Variants in SHPK observed in about 807,000 individuals in gnomAD.
SHPK encodes the protein carbohydrate kinase-like protein.
Under a neutral mutation model 46.3 loss-of-function variants are expected in SHPK, and 51 were observed. The ratio of observed to expected loss-of-function variants is 1.10; its 90% CI spans 0.88 to 1.39. The LOEUF is 1.39. SHPK is among the 40% of genes most tolerant of loss of function. The probability of loss-of-function intolerance (pLI) is 0.00; values close to 1 mark genes in which losing one functional copy is unlikely to be tolerated. For missense variants in SHPK, 668 were observed against 641.3 expected (o/e 1.04, Z -0.45); for synonymous variants, 290 against 273.9 (o/e 1.06, Z -0.58).
intron 5 of SHPK, among the ~76,000 whole-genome samples, chr17:3,616,429 A>C (rs939952192): frequency 6.6e-6 from 1 of 152,180 alleles, no homozygotes; most frequent in East Asian, 1.9e-4. Flanking sequence ...GCGTGGGCTC[A>C]GAGGCAGATC....
At position 3,610,753 on chromosome 17, in the gene SHPK, G is replaced by T. The variant is rs141579629; in HGVS notation, c.1244C>A (p.Pro415Gln). 1.7e-4 allele frequency: 278 copies of T among 1,613,960 alleles called. No individual in the cohort carries two copies. The highest frequency in any genetic ancestry group is 2.3e-4 in the Non-Finnish European group (270 of 1,179,990). The stretch of plus-strand genomic sequence containing the variant: ...GCCCCACTCCTGGAGCTGCTGAATC[G>T]GAAGCATGGAGTGCAGGTTCTGAAC... ...GIVQNLHSML[P>Q]IQQLQEWGVE... is the part of the protein sequence containing the mutation. Residue 415 changes from proline to glutamine, a missense_variant, in exon 7 of 7, where the codon CCG (proline) becomes CAG (glutamine). Physicochemically the swap from Pro to Gln is moderately conservative, Grantham distance 76 (BLOSUM62 -1). Transcript: ENST00000225519.
intron 1 of SHPK, among the ~76,000 whole-genome samples, chr17:3,634,591 AAAG>A (rs1475618503): frequency 2.6e-5 from 4 of 151,324 alleles, no homozygotes; most frequent in South Asian, 2.1e-4. Flanking sequence ...AAAAAAAAAA[AAAG>A]AAGTGCTCTA....
At chr17:3,621,937 C>G (rs224508) in intron 4 of SHPK, among the ~76,000 whole-genome samples, 95,118 of 151,570 alleles carry the variant, frequency 0.63, 30,368 homozygotes, top group East Asian at 0.93. Flanking sequence ...ACAGGCGCGA[C>G]CCACCACACC....
At position 3,636,102 on chromosome 17, in the gene SHPK, G is replaced by C. The variant is rs371203773; in HGVS notation, c.118C>G (p.Arg40Gly). The change falls in exon 1 of 7, where the codon CGT becomes GGT. Residue 40 changes from arginine to glycine, a missense_variant. Arg to Gly is a moderately radical substitution (Grantham distance 125). Coordinates refer to ENST00000225519, the MANE Select transcript of SHPK (RefSeq NM_013276.4). ...ACCGCCGCCTCTGCCCGCGCAGCACGGGCACAGCTCGCCAGCACTGCGAAC... is the reference window on the plus strand; with the variant it reads ...ACCGCCGCCTCTGCCCGCGCAGCACCGGCACAGCTCGCCAGCACTGCGAAC... ...SGFAVLASCA[R>G]AARAEAAVES... The C allele has an allele frequency of 1.2e-6, 2 of 1,604,984 alleles. No homozygotes were observed. The highest frequency in any genetic ancestry group is 1.7e-6 in the Non-Finnish European group (2 of 1,176,414).
chr17:3,612,138 A>G (rs981691473), intron 6 of SHPK, among the ~76,000 whole-genome samples: 2 of 152,018 alleles, frequency 1.3e-5, no homozygotes, highest in African/African-American at 4.8e-5. Flanking sequence ...AACGAAAAAA[A>G]AAAAAAGGCC....
chr17:3,632,622 A>AC (rs1280898494), intron 1 of SHPK, among the ~76,000 whole-genome samples: 3 of 151,840 alleles, frequency 2.0e-5, no homozygotes, highest in East Asian at 1.9e-4. Context: ...TCTTGGACAG[A>AC]CCCCCAGTGT....
At chr17:3,622,946 T>C (rs1367815251) in intron 4 of SHPK, among the ~76,000 whole-genome samples, 1 of 152,014 alleles carries the variant, frequency 6.6e-6, no homozygotes, top group South Asian at 2.1e-4. Flanking sequence ...CTCAGGTGAT[T>C]CACCCGCCTC....
intron 3 of SHPK, among the ~76,000 whole-genome samples, chr17:3,623,843 G>T (rs2075417001): frequency 6.6e-6 from 1 of 152,170 alleles, no homozygotes. Flanking sequence ...CCCTATGTGG[G>T]TGGGAACTGG....
intron 1 of SHPK, among the ~76,000 whole-genome samples, chr17:3,633,200 CG>C (rs1050682664): frequency 2.0e-5 from 3 of 151,632 alleles, no homozygotes; most frequent in African/African-American, 7.3e-5. Flanking sequence ...AGGCTGGTCT[CG>C]AACTCCTGAC....
At chr17:3,617,820 A>C (rs947604502) in intron 5 of SHPK, among the ~76,000 whole-genome samples, 1 of 152,210 alleles carries the variant, frequency 6.6e-6, no homozygotes, top group African/African-American at 2.4e-5. Flanking sequence ...AGTCAAAAAA[A>C]AATTAAAAAG....
In SHPK at chr17:3,615,409, C is replaced by T; in HGVS notation, c.952G>A (p.Ala318Thr). 5.6e-6 allele frequency: 9 copies of T among 1,614,176 alleles called. No individual in the cohort carries two copies. Among genetic ancestry groups the T allele is most frequent in the African/African-American group, 1.3e-5 (1 of 75,044 alleles). ...PYFNRTYLGV[A>T]ASLNGGNVLA... ...ACATTGCCCCCGTTGAGTGACGCGGCCACCCCCAGGTAGGTCCTGTTGAAG... is the reference window on the plus strand; with the variant it reads ...ACATTGCCCCCGTTGAGTGACGCGGTCACCCCCAGGTAGGTCCTGTTGAAG... Residue 318 changes from alanine (A) to threonine (T), a missense_variant, in exon 6 of 7, where the codon GCC becomes ACC. Coordinates refer to ENST00000225519, the MANE Select transcript of SHPK (RefSeq NM_013276.4).
At chr17:3,615,245 T>C in intron 6 of SHPK, 92 bp downstream of exon 6, 1 of 1,307,556 alleles carries the variant, frequency 7.6e-7, no homozygotes, top group South Asian at 1.2e-5. Context: ...ATGTGGACGC[T>C]GAAACCGCAC....
chr17:3,629,058 C>G (rs1340594260), intron 2 of SHPK, among the ~76,000 whole-genome samples: 1 of 152,140 alleles, frequency 6.6e-6, no homozygotes, highest in Non-Finnish European at 1.5e-5. Flanking sequence ...GCCACTGTGT[C>G]CCCTTGCAGC....
At position 3,630,282 on chromosome 17, in the gene SHPK, C is replaced by G; in HGVS notation, c.233G>C (p.Arg78Pro). 1.2e-6 allele frequency: 2 copies of G among 1,613,662 alleles called. No homozygotes were observed. The highest frequency in any genetic ancestry group is 1.7e-6 in the Non-Finnish European group (2 of 1,179,994). ...GCCCACGACGCTCCGGAGCTGGGGT[C>G]GGGGAAGGGCAGCAAGGCACTCGTG... The part of the protein sequence containing the change: ...ALHECLAALP[R>P]PQLRSVVGIG... The change falls in exon 2 of 7, where the codon CGA becomes CCA. Residue 78 changes from arginine to proline, a missense_variant. Coordinates refer to ENST00000225519, the MANE Select transcript of SHPK (RefSeq NM_013276.4).
At chr17:3,624,305 T>A (rs2075420340) in intron 2 of SHPK, 74 bp from the exon 3 acceptor site, 28 of 1,343,872 alleles carry the variant, frequency 2.1e-5, no homozygotes, top group Non-Finnish European at 2.9e-5. Flanking sequence ...GATACTACTC[T>A]GCTGGTGAGT....
At chr17:3,614,210 C>G (rs548906573) in intron 6 of SHPK, among the ~76,000 whole-genome samples, 1 of 152,162 alleles carries the variant, frequency 6.6e-6, no homozygotes, top group Non-Finnish European at 1.5e-5. Context: ...GGTTCCACCC[C>G]GCACCGTGCT....
At position 3,629,500 on chromosome 17, in the gene SHPK, G is replaced by A. The variant is rs112120265; in HGVS notation, c.310+705C>T. ...AATCCCAGCACTTTGGGAGGCTGCC[G>A]GTGGATCATTTGAGGTCAGGAGTTC... is the stretch of plus-strand genomic sequence containing the variant. On this transcript the variant is annotated intron_variant, in intron 2 of 6. Coordinates refer to ENST00000225519, the MANE Select transcript of SHPK (RefSeq NM_013276.4). Among the ~76,000 whole-genome samples the A allele has an allele frequency of 4.8e-3, 734 of 152,192 alleles. 21 individuals are homozygous for A. In the East Asian group the frequency reaches 0.067, roughly 14 times the overall value.
chr17:3,624,290 G>C, intron 2 of SHPK, 59 bp from the exon 3 acceptor site: 2 of 1,488,954 alleles, frequency 1.3e-6, no homozygotes, highest in Non-Finnish European at 1.8e-6. Flanking sequence ...GCATGGCGCG[G>C]CCTTGATACT....
At chr17:3,616,248 G>A (rs988014474) in intron 5 of SHPK, among the ~76,000 whole-genome samples, 3 of 152,154 alleles carry the variant, frequency 2.0e-5, no homozygotes, top group African/African-American at 7.2e-5. Flanking sequence ...TAAAGCACAA[G>A]AGACAGTGTG....
Sources: gnomAD v4.1 joint callset for allele counts (sites outside exome capture counted in the v4.1 genomes callset) on GRCh38, gnomAD v4.1.1 for gene constraint, MANE v1.5 for transcripts, NCBI Gene and HGNC (gene_info 2026-07-23, HGNC 2026-07-21) for gene names.